RICTOR: variants seen among roughly 807,000 people sequenced by gnomAD.
The protein encoded by RICTOR is rapamycin-insensitive companion of mTOR.
A neutral mutation model predicts 214.9 loss-of-function variants in RICTOR; 49 were observed. The ratio of observed to expected loss-of-function variants is 0.23; its 90% CI spans 0.18 to 0.29. RICTOR has a LOEUF of 0.29. Ranked by LOEUF, RICTOR falls within the 10% of genes least tolerant of loss-of-function variation. RICTOR has a pLI of 1.00. For synonymous variants in RICTOR, 717 were observed against 711.3 expected (o/e 1.01, Z -0.13); for missense variants, 1,625 against 2,047.0 (o/e 0.79, Z 3.98).
At chr5:38,972,969 A>G (rs945825721) in intron 10 of RICTOR, among the ~76,000 whole-genome samples, 4 of 151,288 alleles carry the variant, frequency 2.6e-5, no homozygotes, top group Admixed American at 6.6e-5. Flanking sequence ...AACATAAATG[A>G]GTATCAAAAT....
At chr5:39,020,382 G>A (rs1023322728) in intron 3 of RICTOR, among the ~76,000 whole-genome samples, 9 of 152,076 alleles carry the variant, frequency 5.9e-5, no homozygotes, top group African/African-American at 2.2e-4. Context: ...TAAAGAAATC[G>A]CTACAGTCAC....
Position 39,052,053 on chromosome 5 carries a change from T to G in RICTOR, c.97+22058A>C, listed in dbSNP as rs182181108. Among the ~76,000 whole-genome samples, 504 of 152,096 alleles carry G rather than the reference T, an allele frequency of 3.3e-3. 1 individual carries two copies. The highest frequency in any genetic ancestry group is 5.2e-3 in the Admixed American group (80 of 15,278). ...CATAATGCTGGGCAGAAGTAGTGAG[T>G]CAAAATCTCAGTCAGCCACATGATT... On this transcript the variant is annotated intron_variant, in intron 2 of 37. Coordinates refer to ENST00000357387, the MANE Select transcript of RICTOR (RefSeq NM_152756.5).
intron 3 of RICTOR, among the ~76,000 whole-genome samples, chr5:39,012,245 G>A (rs1397901760): frequency 1.3e-5 from 2 of 152,168 alleles, no homozygotes; most frequent in African/African-American, 4.8e-5. Context: ...AGAACTATCA[G>A]TGGTTTTATA....
chr5:39,001,377 T>A (rs1239290109), intron 5 of RICTOR, among the ~76,000 whole-genome samples: 1 of 152,066 alleles, frequency 6.6e-6, no homozygotes, highest in African/African-American at 2.4e-5. Context: ...TGGATATTCA[T>A]AAAGATAAAA....
chr5:39,025,318 T>G (rs1270634908), intron 2 of RICTOR, among the ~76,000 whole-genome samples: 1 of 152,182 alleles, frequency 6.6e-6, no homozygotes, highest in East Asian at 1.9e-4. Context: ...AAATAACAGG[T>G]TAAAGTTTCC....
intron 36 of RICTOR, among the ~76,000 whole-genome samples, chr5:38,943,998 G>A (rs1747894821): frequency 6.6e-6 from 1 of 151,934 alleles, no homozygotes; most frequent in Admixed American, 6.6e-5. Flanking sequence ...AATTACTGAA[G>A]ACCCAAAAAA....
At chr5:39,002,127 G>A (rs1388957094) in intron 5 of RICTOR, among the ~76,000 whole-genome samples, 1 of 143,476 alleles carries the variant, frequency 7.0e-6, no homozygotes, top group African/African-American at 2.6e-5. Context: ...TCAACAGAAT[G>A]GAATAAATTG....
At chr5:39,061,585 T>C (rs1022627492) in intron 2 of RICTOR, among the ~76,000 whole-genome samples, 1 of 152,014 alleles carries the variant, frequency 6.6e-6, no homozygotes, top group Non-Finnish European at 1.5e-5. Context: ...TTAGCAGCAA[T>C]ACATTTGTTT....
In RICTOR at chr5:38,953,031, C is replaced by A; in HGVS notation, c.2851G>T (p.Asp951Tyr). ...CACTGTTTTGCAAGTTTTAGTATAT[C>A]TGGAATCACGTTTTCTTCCTGTAGC... ...NLLQEENVIP[D>Y]ILKLAKQCEV... Residue 951 changes from aspartate to tyrosine, a missense_variant, in exon 29 of 38, where the codon GAT (aspartate) becomes TAT (tyrosine). Coordinates refer to ENST00000357387, the MANE Select transcript of RICTOR (RefSeq NM_152756.5). 3 of 1,610,546 alleles carry A rather than the reference C, an allele frequency of 1.9e-6. No individual in the cohort carries two copies. The highest frequency in any genetic ancestry group is 2.5e-6 in the Non-Finnish European group (3 of 1,177,656).
At chr5:39,004,757 G>A (rs1051872314) in intron 3 of RICTOR, among the ~76,000 whole-genome samples, 2 of 148,590 alleles carry the variant, frequency 1.3e-5, no homozygotes, top group Middle Eastern at 3.6e-3. Flanking sequence ...GTGAGCCACC[G>A]CACTGGGCCT....
rs1174379392 is a variant in RICTOR at position 39,073,989 on chromosome 5, G to A, written c.97+122C>T. On this transcript the variant is annotated intron_variant, in intron 2 of 37. Transcript: ENST00000357387. Reference sequence around the variant, plus strand: ...CCCGCGGGCCGGCAGGCGGGGCTCCGGCTCTGGCCCCCGCACCCCGCCGGT... The same window carrying A: ...CCCGCGGGCCGGCAGGCGGGGCTCCAGCTCTGGCCCCCGCACCCCGCCGGT... The A allele has an allele frequency of 1.2e-4, 63 of 531,262 alleles. No individual in the cohort carries two copies. In the East Asian group the frequency reaches 3.9e-3, roughly 33 times the overall value. 32.9% of individuals were successfully genotyped at this position (531,262 alleles called of 1,614,324 possible).
In RICTOR at chr5:38,940,244, G is replaced by T. The variant is rs147795288; in HGVS notation, c.*2060C>A. ...CAGGGATAGTGATGGTGGGGGAGGG[G>T]GTGTGTGTGTGTGTAAGACAAAAAA... On this transcript the variant is annotated 3_prime_UTR_variant, in exon 38 of 38. Coordinates refer to ENST00000357387, the MANE Select transcript of RICTOR (RefSeq NM_152756.5). 2,513 of 228,258 alleles carry T rather than the reference G, an allele frequency of 0.011. 23 individuals are homozygous for T. The highest frequency in any genetic ancestry group is 0.038 in the South Asian group (206 of 5,418). The allele number at this position is 228,258 out of a possible 1,614,324, so 14.1% of individuals were successfully genotyped here.
chr5:38,990,576 T>TATACACGATATATAC (rs1491289561), intron 7 of RICTOR, among the ~76,000 whole-genome samples: 2 of 134,642 alleles, frequency 1.5e-5, no homozygotes, highest in African/African-American at 2.8e-5. Flanking sequence ...ACGATATATA[T>TATACACGATATATAC]GATATATACA....
chr5:39,025,751 TGAGG>T (rs1755766820), intron 2 of RICTOR, among the ~76,000 whole-genome samples: 1 of 152,200 alleles, frequency 6.6e-6, no homozygotes, highest in Non-Finnish European at 1.5e-5. Flanking sequence ...ATTCCACTTG[TGAGG>T]GCTTCACCCT....
chr5:39,034,865 C>T (rs899508057), intron 2 of RICTOR, among the ~76,000 whole-genome samples: 7 of 152,228 alleles, frequency 4.6e-5, no homozygotes, highest in African/African-American at 1.7e-4. Context: ...GGCCTGCCTG[C>T]CTCTGTAGGC....
At chr5:39,073,398 G>C (rs1297596492) in intron 2 of RICTOR, among the ~76,000 whole-genome samples, 1 of 152,192 alleles carries the variant, frequency 6.6e-6, no homozygotes, top group Admixed American at 6.5e-5. Flanking sequence ...TATCACCCGA[G>C]TTTCCCCAGT....
intron 31 of RICTOR, among the ~76,000 whole-genome samples, chr5:38,948,202 C>T (rs1325957091): frequency 6.6e-6 from 1 of 152,088 alleles, no homozygotes; most frequent in African/African-American, 2.4e-5. Context: ...CATTTATATA[C>T]ATTTATATGA....
At chr5:39,003,224 T>C (rs1421558249) in intron 4 of RICTOR, among the ~76,000 whole-genome samples, 1 of 152,188 alleles carries the variant, frequency 6.6e-6, no homozygotes, top group Non-Finnish European at 1.5e-5. Flanking sequence ...GCACAAACTT[T>C]CTCTTAGGTA....
intron 9 of RICTOR, among the ~76,000 whole-genome samples, chr5:38,976,307 A>T (rs796159309): frequency 4.3e-4 from 8 of 18,428 alleles, no homozygotes; most frequent in Non-Finnish European, 5.6e-4. Flanking sequence ...TTCCTGTGCC[A>T]CCTTTTTTTT....
Sources: allele counts gnomAD v4.1 joint callset (sites outside exome capture counted in the v4.1 genomes callset), GRCh38; gene constraint gnomAD v4.1.1; transcripts MANE v1.5; gene names NCBI Gene and HGNC (gene_info 2026-07-23, HGNC 2026-07-21).